The following CSMD1 variants were observed in gnomAD, a reference collection of about 807,000 sequenced individuals.
CSMD1 encodes CUB and sushi domain-containing protein 1.
In CSMD1, 213 loss-of-function variants were observed where a neutral mutation model predicts 417.5. That is an observed-to-expected ratio of 0.51 (90% CI 0.46 to 0.57). The LOEUF is 0.57. Among genes scored for constraint, CSMD1 ranks in the 20% least tolerant of loss-of-function variants. CSMD1 has a pLI of 0.00. For synonymous variants in CSMD1, 2,862 were observed against 1,736.8 expected, an observed-to-expected ratio of 1.65 and a Z score of -16.11; for missense variants, 6,923 against 4,529.7, an observed-to-expected ratio of 1.53 and a Z score of -15.17.
At chr8:3,347,089 C>G (rs570240136) in intron 22 of CSMD1, among the ~76,000 whole-genome samples, 14 of 152,344 alleles carry the variant, frequency 9.2e-5, no homozygotes, top group African/African-American at 3.4e-4. Flanking sequence ...AAAAAAATCA[C>G]AGAACATCTC....
chr8:3,868,364 G>A (rs1301647740), intron 5 of CSMD1, among the ~76,000 whole-genome samples: 2 of 152,110 alleles, frequency 1.3e-5, no homozygotes, highest in South Asian at 2.1e-4. Flanking sequence ...AAAGTCTCCA[G>A]TAGTGCCATC....
At chr8:4,238,046 G>C (rs979347116) in intron 3 of CSMD1, among the ~76,000 whole-genome samples, 3 of 152,126 alleles carry the variant, frequency 2.0e-5, no homozygotes, top group Non-Finnish European at 4.4e-5. Context: ...ACGTTGCTTA[G>C]TTTTTCTACC....
chr8:3,182,259 T>C (rs890944840), intron 36 of CSMD1, among the ~76,000 whole-genome samples: 1 of 152,136 alleles, frequency 6.6e-6, no homozygotes, highest in Non-Finnish European at 1.5e-5. Context: ...ACAGATTTTA[T>C]TTTTTTAGAT....
intron 3 of CSMD1, among the ~76,000 whole-genome samples, chr8:4,293,606 G>A (rs1240018269): frequency 6.6e-6 from 1 of 152,100 alleles, no homozygotes; most frequent in African/African-American, 2.4e-5. Flanking sequence ...CATGAACTAA[G>A]CAATACTGCA....
chr8:3,292,354 AGAGCT>A (rs1477269587), intron 25 of CSMD1, among the ~76,000 whole-genome samples: 2 of 152,172 alleles, frequency 1.3e-5, no homozygotes. Context: ...CGCTTGGTGC[AGAGCT>A]GAGTTCAATT....
chr8:3,912,083 C>A (rs1302549796), intron 5 of CSMD1, among the ~76,000 whole-genome samples: 1 of 152,132 alleles, frequency 6.6e-6, no homozygotes, highest in African/African-American at 2.4e-5. Context: ...TTTTCAAACC[C>A]TAAATCAATA....
intron 3 of CSMD1, among the ~76,000 whole-genome samples, chr8:4,240,199 G>A (rs1213420012): frequency 6.6e-6 from 1 of 152,234 alleles, no homozygotes; most frequent in African/African-American, 2.4e-5. Flanking sequence ...CCATAACTGT[G>A]ATTTTGACAA....
At chr8:4,126,345 T>C (rs1323756268) in intron 3 of CSMD1, among the ~76,000 whole-genome samples, 1 of 152,228 alleles carries the variant, frequency 6.6e-6, no homozygotes, top group African/African-American at 2.4e-5. Context: ...GTGAACCCAC[T>C]GCATGGTTAC....
At chr8:3,198,873 G>C (rs1371780125) in intron 33 of CSMD1, among the ~76,000 whole-genome samples, 2 of 152,020 alleles carry the variant, frequency 1.3e-5, no homozygotes, top group Admixed American at 6.6e-5. Flanking sequence ...CTTAACAGTG[G>C]CCATTAGTAT....
At chr8:4,963,071 G>C (rs1002290017) in intron 1 of CSMD1, among the ~76,000 whole-genome samples, 1 of 152,166 alleles carries the variant, frequency 6.6e-6, no homozygotes, top group Non-Finnish European at 1.5e-5. Context: ...AGGAGCTCAG[G>C]TGTTATGCCT....
chr8:4,233,992 A>G (rs1376923203), intron 3 of CSMD1, among the ~76,000 whole-genome samples: 1 of 152,034 alleles, frequency 6.6e-6, no homozygotes, highest in Non-Finnish European at 1.5e-5. Flanking sequence ...GGAACATGTG[A>G]TCCCTTCTGC....
At chr8:4,428,218 C>G (rs890144655) in intron 2 of CSMD1, among the ~76,000 whole-genome samples, 2 of 152,166 alleles carry the variant, frequency 1.3e-5, no homozygotes, top group East Asian at 1.9e-4. Flanking sequence ...GTCCACTGAA[C>G]CACACATTCT....
At chr8:4,499,837 A>G (rs749801617) in intron 2 of CSMD1, among the ~76,000 whole-genome samples, 1 of 152,232 alleles carries the variant, frequency 6.6e-6, no homozygotes, top group Non-Finnish European at 1.5e-5. Flanking sequence ...AAGTAAATGT[A>G]TTTGTTAAGC....
At chr8:4,510,366 T>C (rs1390462997) in intron 2 of CSMD1, among the ~76,000 whole-genome samples, 4 of 100,906 alleles carry the variant, frequency 4.0e-5, no homozygotes, top group East Asian at 2.8e-4. Flanking sequence ...ATATTTTTTG[T>C]AGACAATTAA....
At chr8:3,215,842 A>C (rs1360311487) in intron 29 of CSMD1, among the ~76,000 whole-genome samples, 1 of 152,052 alleles carries the variant, frequency 6.6e-6, no homozygotes, top group East Asian at 1.9e-4. Context: ...CTGGAGGAAG[A>C]AAAAGAGACC....
intron 5 of CSMD1, among the ~76,000 whole-genome samples, chr8:3,953,961 G>T (rs1811752895): frequency 6.6e-6 from 1 of 152,176 alleles, no homozygotes; most frequent in Non-Finnish European, 1.5e-5. Flanking sequence ...CTTAGGCTGG[G>T]AGCGCACAGG....
At chr8:3,426,294 A>T (rs76135400) in intron 12 of CSMD1, among the ~76,000 whole-genome samples, 1,560 of 152,268 alleles carry the variant, frequency 0.01, 50 homozygotes, top group East Asian at 0.1. Flanking sequence ...CTTGATCATC[A>T]ATTTTTTTAA....
chr8:4,236,694 C>T (rs1802086725), intron 3 of CSMD1, among the ~76,000 whole-genome samples: 1 of 152,078 alleles, frequency 6.6e-6, no homozygotes, highest in Non-Finnish European at 1.5e-5. Flanking sequence ...AGCTTTGGTC[C>T]CTTCATCTGT....
At chr8:4,043,259 A>C (rs1426739927) in intron 3 of CSMD1, among the ~76,000 whole-genome samples, 1 of 152,240 alleles carries the variant, frequency 6.6e-6, no homozygotes, top group Non-Finnish European at 1.5e-5. Context: ...AGGCTAGCAT[A>C]GGAGATAAAA....
Sources: gnomAD v4.1 joint callset for allele counts (sites outside exome capture counted in the v4.1 genomes callset) on GRCh38, gnomAD v4.1.1 for gene constraint, MANE v1.5 for transcripts, NCBI Gene and HGNC (gene_info 2026-07-23, HGNC 2026-07-21) for gene names.